The following CELSR3 variants were observed in gnomAD, a reference collection of about 807,000 sequenced individuals.
CELSR3 encodes cadherin EGF LAG seven-pass G-type receptor 3, also known as EGF-like protein 1.
A neutral mutation model predicts 270.0 loss-of-function variants in CELSR3; 73 were observed. The observed-to-expected ratio is 0.27, with a 90% confidence interval of 0.22 to 0.33. The LOEUF (loss-of-function observed/expected upper bound fraction) is 0.33, where lower values mean the gene tolerates loss of function less well. Among genes scored for constraint, CELSR3 ranks in the 10% least tolerant of loss-of-function variants. The probability of loss-of-function intolerance (pLI) is 1.00; values close to 1 mark genes in which losing one functional copy is unlikely to be tolerated. For missense variants in CELSR3, 3,614 were observed against 4,533.8 expected, an observed-to-expected ratio of 0.80 and a Z score of 5.83; for synonymous variants, 1,780 against 1,905.4, an observed-to-expected ratio of 0.93 and a Z score of 1.71.
Position 48,662,802 on chromosome 3 carries a change from C to T in CELSR3, c.-168G>A, listed in dbSNP as rs943325867. The T allele has an allele frequency of 2.3e-4, 71 of 306,506 alleles. No homozygotes were observed. Among genetic ancestry groups the T allele is most frequent in the Non-Finnish European group, 3.5e-4 (58 of 168,068 alleles). 19.0% of individuals were successfully genotyped at this position (306,506 alleles called of 1,614,324 possible). On this transcript the variant is annotated 5_prime_UTR_variant, in exon 1 of 35. Transcript: ENST00000164024. This position sits in a 1 kb window ranked among gnomAD's most constrained non-coding sequence, Gnocchi z 7.1. ...CTCTGGGCACCATCTACTCCGCGGC[C>T]GGAGCCCCTCCGGCGTGCGGCCCTG...
rs2047053063 is a variant in CELSR3, at chr3:48,643,861, C to T, written c.8166-184G>A. The T allele has an allele frequency of 8.8e-6, 6 of 678,264 alleles. 1 individual carries two copies. The South Asian group carries it at 1.2e-4, about 14-fold the overall frequency. 42.0% of individuals were successfully genotyped at this position (678,264 alleles called of 1,614,324 possible). A position where few individuals can be genotyped will look rare whatever the true frequency, so the allele number is the denominator to read the frequency against. On this transcript the variant is annotated intron_variant, in intron 27 of 34. Coordinates refer to ENST00000164024, the MANE Select transcript of CELSR3 (RefSeq NM_001407.3). ...GAGGTCCCACAAAGAAACAGGAGAG[C>T]AGTCAAAGAGCCATGAGGACACGTG...
rs747024015 is a variant in CELSR3, at chr3:48,641,390, GGTT to G, written c.8956_8958del (p.Asn2986del). The G allele has an allele frequency of 2.6e-4, 416 of 1,612,522 alleles. 1 individual carries two copies. The highest frequency in any genetic ancestry group is 3.4e-4 in the Non-Finnish European group (403 of 1,179,822). ...CCACTGGTCAGGGCCGGGTCTGGCTGGTTGTTGTTAGCTGCATCCTTGCTGGTG... is the reference window on the plus strand; with the variant it reads ...CCACTGGTCAGGGCCGGGTCTGGCTGGTTGTTAGCTGCATCCTTGCTGGTG... On this transcript the variant is annotated inframe_deletion, in exon 33 of 35. Coordinates refer to ENST00000164024, the MANE Select transcript of CELSR3 (RefSeq NM_001407.3). This position sits in a 1 kb window ranked among gnomAD's most constrained non-coding sequence, Gnocchi z 4.8.
rs2047164609 is a variant in CELSR3 at position 48,654,603 on chromosome 3, C to T, written c.4989-151G>A. ...AGCTGTGGAAGGAGTTAGGATCTTA[C>T]TTCAGTTGGGGTGCAAAGGGGCACC... On this transcript the variant is annotated intron_variant, in intron 6 of 34. Coordinates refer to ENST00000164024, the MANE Select transcript of CELSR3 (RefSeq NM_001407.3). The surrounding 1 kb of genome is among the most constrained non-coding windows in gnomAD (Gnocchi z 5.4). 7.1e-6 allele frequency: 5 copies of T among 709,130 alleles called. No homozygotes were observed. The allele number at this position is 709,130 out of a possible 1,614,324, so 43.9% of individuals were successfully genotyped here.
Position 48,650,436 on chromosome 3 carries a change from C to CGGGG in CELSR3, c.6472+43_6472+44insCCCC. On this transcript the variant is annotated intron_variant, in intron 16 of 34. Coordinates refer to ENST00000164024, the MANE Select transcript of CELSR3 (RefSeq NM_001407.3). The surrounding 1 kb of genome is among the most constrained non-coding windows in gnomAD (Gnocchi z 5.1). ...ATGGCTCTAGCAGTCAGAGTACAGG[C>CGGGG]CCACCCCCACCCTCAGTGATGTCCT... 1 of 568,234 alleles carries CGGGG rather than the reference C, an allele frequency of 1.8e-6. No individual in the cohort carries two copies. Among genetic ancestry groups the CGGGG allele is most frequent in the Non-Finnish European group, 3.3e-6 (1 of 302,614 alleles). The allele number at this position is 568,234 out of a possible 1,614,324, so 35.2% of individuals were successfully genotyped here.
At position 48,654,196 on chromosome 3, in the gene CELSR3, G is replaced by A. The variant is rs1026201453; in HGVS notation, c.5152+93C>T. On this transcript the variant is annotated intron_variant, in intron 7 of 34. Coordinates refer to ENST00000164024, the MANE Select transcript of CELSR3 (RefSeq NM_001407.3). The surrounding 1 kb of genome is among the most constrained non-coding windows in gnomAD (Gnocchi z 5.4). ...TGTAGCATGGTGCTTGCCACCAAAG[G>A]AGACTGGCTTGAAGTCAGGTATGGA... 440 of 1,553,028 alleles carry A rather than the reference G, an allele frequency of 2.8e-4. No individual in the cohort carries two copies. The highest frequency in any genetic ancestry group is 1.7e-4 in the Middle Eastern group (1 of 5,924).
chr3:48,648,525 G>A, intron 18 of CELSR3, 64 bp from the exon 19 acceptor site: 1 of 1,459,544 alleles, frequency 6.9e-7, no homozygotes, highest in Non-Finnish European at 9.1e-7. Flanking sequence ...GGATAGGGCA[G>A]GCATGAGAGG....
rs1367877783 is a variant in CELSR3, at chr3:48,660,103, C to G, written c.2532G>C (p.Val844=). The G allele has an allele frequency of 6.2e-7, 1 of 1,614,150 alleles. No homozygotes were observed. The highest frequency in any genetic ancestry group is 2.2e-5 in the East Asian group (1 of 44,882). The part of the protein sequence containing the change: ...SDRALHDHCY[V]HINITDANTH... Reference sequence around the variant, plus strand: ...TGTTGGCATCTGTGATGTTGATGTGCACATAGCAGTGATCATGAAGGGCAC... The same window carrying G: ...TGTTGGCATCTGTGATGTTGATGTGGACATAGCAGTGATCATGAAGGGCAC... Residue 844 remains valine (V), a synonymous_variant, in exon 1 of 35, where the codon GTG becomes GTC. Transcript: ENST00000164024. This position sits in a 1 kb window ranked among gnomAD's most constrained non-coding sequence, Gnocchi z 5.5.
At chr3:48,648,238 G>GGCCCCCCC in intron 19 of CELSR3, 28 bp downstream of exon 19, 4 of 1,342,612 alleles carry the variant, frequency 3.0e-6, no homozygotes, top group Non-Finnish European at 4.2e-6. Context: ...CCCCTGCTGT[G>GGCCCCCCC]CCCCGCCCTA....
rs2047035600 is a variant in CELSR3, at chr3:48,642,392, A to T, written c.8631T>A (p.Thr2877=). The change falls in exon 31 of 35, where the codon ACT becomes ACA. Residue 2877 remains threonine (T), a synonymous_variant. Coordinates refer to ENST00000164024, the MANE Select transcript of CELSR3 (RefSeq NM_001407.3). The surrounding 1 kb of genome is among the most constrained non-coding windows in gnomAD (Gnocchi z 6.1). ...GATGGAACATGGCCACGTCCAGGTCAGTGGGGCCAGCATGAGCCTGGAGGC... is the reference window on the plus strand; with the variant it reads ...GATGGAACATGGCCACGTCCAGGTCTGTGGGGCCAGCATGAGCCTGGAGGC... The part of the protein sequence containing the change: ...DHSLQAHAGP[T]DLDVAMFHRD... 1.2e-6 allele frequency: 2 copies of T among 1,613,158 alleles called. No individual in the cohort carries two copies. The highest frequency in any genetic ancestry group is 2.2e-5 in the South Asian group (2 of 91,086).
Position 48,646,040 on chromosome 3 carries a change from G to A in CELSR3, c.7463+50C>T, listed in dbSNP as rs373619977. On this transcript the variant is annotated intron_variant, in intron 22 of 34. Coordinates refer to ENST00000164024, the MANE Select transcript of CELSR3 (RefSeq NM_001407.3). The surrounding 1 kb of genome is among the most constrained non-coding windows in gnomAD (Gnocchi z 4.8). Reference sequence around the variant, plus strand: ...AGGGGAAGGCTGGGACTATTAGTTGGCCTCCCAAGGGCTAACGGGACCAAG... The same window carrying A: ...AGGGGAAGGCTGGGACTATTAGTTGACCTCCCAAGGGCTAACGGGACCAAG... 2.3e-5 allele frequency: 36 copies of A among 1,599,824 alleles called. No individual in the cohort carries two copies. The highest frequency in any genetic ancestry group is 3.0e-5 in the Non-Finnish European group (35 of 1,171,462).
Position 48,656,157 on chromosome 3 carries a change from G to A in CELSR3, c.4608C>T (p.His1536=). 6.5e-7 allele frequency: 1 copy of A among 1,536,812 alleles called. No homozygotes were observed. The highest frequency in any genetic ancestry group is 8.7e-7 in the Non-Finnish European group (1 of 1,147,506). ...VMFRGLRQRF[H]LTLSLSFATV... ...GCACCTACGAGAGGGACAGCGTAAG[G>A]TGGAATCGCTGCCGCAGGCCGCGAA... Residue 1536 remains histidine (H), a synonymous_variant, in exon 3 of 35, where the codon CAC becomes CAT. Transcript: ENST00000164024.
Position 48,646,849 on chromosome 3 carries a change from AGGCTCT to A in CELSR3, c.7203_7208del (p.Glu2402_Pro2403del). Reference sequence around the variant, plus strand: ...CGAGGAGAATGATAATGGAGATCCCAGGCTCTGGCTCTGGCGGGGCTGGTGGGGGGA... The same window carrying A: ...CGAGGAGAATGATAATGGAGATCCCAGGCTCTGGCGGGGCTGGTGGGGGGA... On this transcript the variant is annotated inframe_deletion, in exon 21 of 35. Coordinates refer to ENST00000164024, the MANE Select transcript of CELSR3 (RefSeq NM_001407.3). This position sits in a 1 kb window ranked among gnomAD's most constrained non-coding sequence, Gnocchi z 4.8. 6.2e-7 allele frequency: 1 copy of A among 1,600,648 alleles called. No homozygotes were observed. The highest frequency in any genetic ancestry group is 8.5e-7 in the Non-Finnish European group (1 of 1,175,314).
chr3:48,659,703 T>C lies in CELSR3; in HGVS notation c.2932A>G (p.Thr978Ala). ...GTGGCTGAGATCTGCAGGACACTGGTGAAAGGTGGGGCATCCTCAGAGACC... is the reference window on the plus strand; with the variant it reads ...GTGGCTGAGATCTGCAGGACACTGGCGAAAGGTGGGGCATCCTCAGAGACC... ...GLVSEDAPPF[T>A]SVLQISATDR... The change falls in exon 1 of 35, where the codon ACC becomes GCC. Residue 978 changes from threonine to alanine, a missense_variant. Thr to Ala is a moderately conservative substitution (Grantham distance 58). Transcript: ENST00000164024. This position sits in a 1 kb window ranked among gnomAD's most constrained non-coding sequence, Gnocchi z 8.1. 2 of 1,614,060 alleles carry C rather than the reference T, an allele frequency of 1.2e-6. No homozygotes were observed.
At position 48,642,445 on chromosome 3, in the gene CELSR3, C is replaced by T; in HGVS notation, c.8578G>A (p.Gly2860Ser). ...TGGTCAGTGTGGTCAGCGGCTGAGC[C>T]ATGTCGAACCAGGACATTGTCCCTG... ...YLRDNVLVRHGSAADHTDHSL... is the reference protein window; with the variant it reads ...YLRDNVLVRHSSAADHTDHSL... Residue 2860 changes from glycine (G) to serine (S), a missense_variant, in exon 31 of 35, where the codon GGC becomes AGC. Transcript: ENST00000164024. This position sits in a 1 kb window ranked among gnomAD's most constrained non-coding sequence, Gnocchi z 6.1. 1 of 1,613,106 alleles carries T rather than the reference C, an allele frequency of 6.2e-7. No individual in the cohort carries two copies. Among genetic ancestry groups the T allele is most frequent in the African/African-American group, 1.3e-5 (1 of 75,046 alleles).
Position 48,655,010 on chromosome 3 carries a change from A to C in CELSR3, c.4988+34T>G, listed in dbSNP as rs1359700527. The C allele has an allele frequency of 1.4e-5, 23 of 1,604,800 alleles. No individual in the cohort carries two copies. In the South Asian group the frequency reaches 2.5e-4, roughly 18 times the overall value. On this transcript the variant is annotated intron_variant, in intron 6 of 34. Coordinates refer to ENST00000164024, the MANE Select transcript of CELSR3 (RefSeq NM_001407.3). The surrounding 1 kb of genome is among the most constrained non-coding windows in gnomAD (Gnocchi z 5.8). Reference sequence around the variant, plus strand: ...AGGGTTGGAGTGGGCTTTGGTAGGCAGGGGACAAGGGGACTAGGGGGCAGG... The same window carrying C: ...AGGGTTGGAGTGGGCTTTGGTAGGCCGGGGACAAGGGGACTAGGGGGCAGG...
chr3:48,650,767 G>T lies in CELSR3; in HGVS notation c.6370+125C>A. 2 of 1,153,124 alleles carry T rather than the reference G, an allele frequency of 1.7e-6. No homozygotes were observed. Among genetic ancestry groups the T allele is most frequent in the Non-Finnish European group, 2.4e-6 (2 of 819,540 alleles). The allele number at this position is 1,153,124 out of a possible 1,614,324, so 71.4% of individuals were successfully genotyped here. A position where few individuals can be genotyped will look rare whatever the true frequency, so the allele number is the denominator to read the frequency against. ...CTTGGGGCAAAGGTAGGGTTCCCTG[G>T]GTGTAAGTGGTCTCCCTCAGGAGAA... On this transcript the variant is annotated intron_variant, in intron 15 of 34. Coordinates refer to ENST00000164024, the MANE Select transcript of CELSR3 (RefSeq NM_001407.3). This position sits in a 1 kb window ranked among gnomAD's most constrained non-coding sequence, Gnocchi z 5.1.
Position 48,642,558 on chromosome 3 carries a change from G to T in CELSR3, c.8556-91C>A. Reference sequence around the variant, plus strand: ...GTCTTTGAGTGCACAGCCAGCTGCGGGTGGAATGGCATCCCTGGGTGTGTG... The same window carrying T: ...GTCTTTGAGTGCACAGCCAGCTGCGTGTGGAATGGCATCCCTGGGTGTGTG... On this transcript the variant is annotated intron_variant, in intron 30 of 34. Transcript: ENST00000164024. The surrounding 1 kb of genome is among the most constrained non-coding windows in gnomAD (Gnocchi z 6.1). 1 of 1,453,358 alleles carries T rather than the reference G, an allele frequency of 6.9e-7. No homozygotes were observed. The highest frequency in any genetic ancestry group is 9.4e-7 in the Non-Finnish European group (1 of 1,068,820). The allele number at this position is 1,453,358 out of a possible 1,614,324, so 90.0% of individuals were successfully genotyped here.
chr3:48,648,659 AG>A, intron 18 of CELSR3, 59 bp downstream of exon 18: 9 of 1,560,474 alleles, frequency 5.8e-6, no homozygotes, highest in Non-Finnish European at 7.8e-6. Flanking sequence ...CTGGGGATCC[AG>A]GGGCAGGAGG....
chr3:48,637,734 T>C lies in CELSR3; in HGVS notation c.*471A>G, dbSNP rs372287637. ...CAATAAAAAGCAAAGAACAATTCTG[T>C]ACTTTGGGCCCCTGACGATACTCAG... On this transcript the variant is annotated 3_prime_UTR_variant, in exon 35 of 35. Transcript: ENST00000164024. 1.3e-5 allele frequency: 2 copies of C among 157,358 alleles called. No homozygotes were observed. Among genetic ancestry groups the C allele is most frequent in the South Asian group, 2.0e-4 (1 of 5,050 alleles). 9.7% of individuals were successfully genotyped at this position (157,358 alleles called of 1,614,324 possible). A position where few individuals can be genotyped will look rare whatever the true frequency, so the allele number is the denominator to read the frequency against.
Sources: allele counts gnomAD v4.1 joint callset, GRCh38; gene constraint gnomAD v4.1.1; non-coding constraint Gnocchi (gnomAD v3.1); transcripts MANE v1.5; gene names NCBI Gene and HGNC (gene_info 2026-07-23, HGNC 2026-07-21).